EXOC4: variants seen among roughly 807,000 people sequenced by gnomAD.
The protein encoded by EXOC4 is exocyst complex component 4.
A neutral mutation model predicts 107.2 loss-of-function variants in EXOC4; 71 were observed. That is an observed-to-expected ratio of 0.66 (90% CI 0.55 to 0.81). EXOC4 has a LOEUF of 0.81. EXOC4 is among the 30% of genes least tolerant of loss of function. The probability of loss-of-function intolerance (pLI) is 0.00; values close to 1 mark genes in which losing one functional copy is unlikely to be tolerated. For synonymous variants in EXOC4, 456 were observed against 441.2 expected, an observed-to-expected ratio of 1.03 and a Z score of -0.42; for missense variants, 1,108 against 1,189.6, an observed-to-expected ratio of 0.93 and a Z score of 1.01.
intron 14 of EXOC4, among the ~76,000 whole-genome samples, chr7:133,939,823 A>G (rs1326168449): frequency 2.0e-5 from 3 of 152,212 alleles, no homozygotes; most frequent in African/African-American, 7.2e-5. Context: ...CTTTAACTTT[A>G]TAATCCCATA....
At chr7:133,987,689 A>G (rs1041864447) in intron 14 of EXOC4, among the ~76,000 whole-genome samples, 3 of 152,182 alleles carry the variant, frequency 2.0e-5, no homozygotes, top group Non-Finnish European at 4.4e-5. Flanking sequence ...TATCTTCTAG[A>G]AAGTTTGAAT....
At chr7:133,261,441 A>G (rs945002219) in intron 1 of EXOC4, among the ~76,000 whole-genome samples, 3 of 151,542 alleles carry the variant, frequency 2.0e-5, no homozygotes, top group African/African-American at 4.9e-5. Context: ...TAATTTTCAT[A>G]TATATTTTTA....
intron 7 of EXOC4, among the ~76,000 whole-genome samples, chr7:133,399,519 A>T (rs4731949): frequency 0.99 from 150,839 of 152,336 alleles, 74,694 homozygotes; most frequent in East Asian, 1. Context: ...CACAATGAGT[A>T]TTCATGCTCA....
intron 2 of EXOC4, among the ~76,000 whole-genome samples, chr7:133,276,805 CTTATA>C (rs757167940): frequency 1.8e-4 from 28 of 152,160 alleles, no homozygotes; most frequent in Non-Finnish European, 3.1e-4. Context: ...GTCCATTAGA[CTTATA>C]TTATGATTTT....
At chr7:133,699,165 C>T (rs1280083444) in intron 10 of EXOC4, among the ~76,000 whole-genome samples, 2 of 152,116 alleles carry the variant, frequency 1.3e-5, no homozygotes, top group East Asian at 3.9e-4. Context: ...TGTTCTTACA[C>T]TCTTCTCTCT....
chr7:133,500,833 T>C (rs1337646070), intron 9 of EXOC4, among the ~76,000 whole-genome samples: 1 of 152,240 alleles, frequency 6.6e-6, no homozygotes, highest in East Asian at 1.9e-4. Context: ...TGGTGGTTTA[T>C]ATTTAATATA....
intron 11 of EXOC4, among the ~76,000 whole-genome samples, chr7:133,827,289 A>G (rs1382529730): frequency 1.3e-5 from 2 of 152,168 alleles, no homozygotes; most frequent in Admixed American, 1.3e-4. Flanking sequence ...TACCGGCAGA[A>G]CAGGCCCATT....
chr7:133,576,065 A>G (rs1440386533), intron 9 of EXOC4, among the ~76,000 whole-genome samples: 4 of 152,198 alleles, frequency 2.6e-5, no homozygotes, highest in East Asian at 3.9e-4. Context: ...CTTATTATCT[A>G]TTAGCAAATT....
chr7:134,089,679 A>G, the EXOC4 span, among the ~76,000 whole-genome samples: 30 of 152,230 alleles, frequency 2.0e-4, no homozygotes, highest in South Asian at 4.1e-4. Flanking sequence ...TGACCTACAC[A>G]GACTATCTAC....
chr7:133,610,743 A>G (rs1314977652), intron 9 of EXOC4, among the ~76,000 whole-genome samples: 1 of 152,130 alleles, frequency 6.6e-6, no homozygotes, highest in East Asian at 1.9e-4. Context: ...ATGTTACAGT[A>G]ACTAGCATTT....
At chr7:133,713,632 A>G (rs1794940970) in intron 10 of EXOC4, among the ~76,000 whole-genome samples, 1 of 152,146 alleles carries the variant, frequency 6.6e-6, no homozygotes, top group Admixed American at 6.5e-5. Flanking sequence ...ACCATGTGTC[A>G]AGGGAGAGAC....
At chr7:133,880,866 G>A (rs1036396309) in intron 11 of EXOC4, among the ~76,000 whole-genome samples, 1 of 151,922 alleles carries the variant, frequency 6.6e-6, no homozygotes, top group Non-Finnish European at 1.5e-5. Flanking sequence ...GTTTTTATTG[G>A]CAAATAAGTT....
chr7:133,519,707 C>T (rs1230824048), intron 9 of EXOC4, among the ~76,000 whole-genome samples: 2 of 152,062 alleles, frequency 1.3e-5, no homozygotes, highest in African/African-American at 2.4e-5. Context: ...AATGAGAATT[C>T]AAAATAGTTT....
chr7:133,464,239 G>A (rs887989709), intron 7 of EXOC4, among the ~76,000 whole-genome samples: 25 of 152,176 alleles, frequency 1.6e-4, no homozygotes, highest in Admixed American at 1.5e-3. Flanking sequence ...ATAGGTAAAC[G>A]TGTGCTTCTA....
chr7:133,350,231 C>T (rs187889484), intron 5 of EXOC4, among the ~76,000 whole-genome samples: 405 of 151,954 alleles, frequency 2.7e-3, no homozygotes, highest in Non-Finnish European at 4.9e-3. Flanking sequence ...GTATCATATC[C>T]AAAAAAATCA....
At chr7:133,599,157 C>T (rs766786337) in intron 9 of EXOC4, among the ~76,000 whole-genome samples, 1 of 152,052 alleles carries the variant, frequency 6.6e-6, no homozygotes, top group Non-Finnish European at 1.5e-5. Context: ...TCACTTGTTT[C>T]ATTTTACCTT....
At chr7:133,432,285 G>C (rs1482125843) in intron 7 of EXOC4, among the ~76,000 whole-genome samples, 6 of 151,958 alleles carry the variant, frequency 3.9e-5, no homozygotes, top group African/African-American at 1.5e-4. Flanking sequence ...CATCTAATTA[G>C]TTATATAACT....
chr7:133,746,834 C>G lies in EXOC4; in HGVS notation c.1515-70491C>G, dbSNP rs148303729. Among the ~76,000 whole-genome samples the G allele has an allele frequency of 2.7e-3, 404 of 152,292 alleles. 2 individuals are homozygous for G. Among genetic ancestry groups the G allele is most frequent in the African/African-American group, 9.6e-3 (398 of 41,562 alleles). On this transcript the variant is annotated intron_variant, in intron 10 of 17. Transcript: ENST00000253861. ...CGTGATTCCTCATTCAACTGCCAGA[C>G]TGACAGCAGGAAATTCTACCATGAT... is the stretch of plus-strand genomic sequence containing the variant.
At chr7:133,486,323 C>A (rs1219618247) in intron 9 of EXOC4, among the ~76,000 whole-genome samples, 1 of 152,010 alleles carries the variant, frequency 6.6e-6, no homozygotes, top group Non-Finnish European at 1.5e-5. Context: ...AGTTGATTAT[C>A]CATTTCTACT....
Sources: allele counts gnomAD v4.1 joint callset (sites outside exome capture counted in the v4.1 genomes callset), GRCh38; gene constraint gnomAD v4.1.1; transcripts MANE v1.5; gene names NCBI Gene and HGNC (gene_info 2026-07-23, HGNC 2026-07-21).